Variants in DTWD2 observed in about 807,000 individuals in gnomAD.
The protein encoded by DTWD2 is DTW motif tRNA-uridine aminocarboxypropyltransferase 2, also known as tRNA-uridine aminocarboxypropyltransferase 2.
A neutral mutation model predicts 31.8 loss-of-function variants in DTWD2; 39 were observed. The ratio of observed to expected loss-of-function variants is 1.22; its 90% CI spans 0.95 to 1.60. The LOEUF (loss-of-function observed/expected upper bound fraction) is 1.60, where lower values mean the gene tolerates loss of function less well. Ranked by LOEUF, DTWD2 falls within the 40% of genes most tolerant of loss-of-function variation. The pLI is 0.00. For missense variants in DTWD2, 515 were observed against 381.5 expected, an observed-to-expected ratio of 1.35 and a Z score of -2.92; for synonymous variants, 180 against 142.8, an observed-to-expected ratio of 1.26 and a Z score of -1.86.
chr5:118,925,844 CA>C (rs568583331), intron 4 of DTWD2, among the ~76,000 whole-genome samples: 60 of 136,260 alleles, frequency 4.4e-4, no homozygotes, highest in Admixed American at 9.0e-4. Context: ...GACTCCATCT[CA>C]AAAAAAAAAA....
intron 4 of DTWD2, among the ~76,000 whole-genome samples, chr5:118,922,942 T>A (rs1209233279): frequency 6.6e-6 from 1 of 152,222 alleles, no homozygotes; most frequent in Admixed American, 6.5e-5. Flanking sequence ...GTTATTTTTC[T>A]TTTTTGAGAA....
chr5:118,903,744 A>G (rs1056060641), intron 4 of DTWD2, among the ~76,000 whole-genome samples: 2 of 152,022 alleles, frequency 1.3e-5, no homozygotes, highest in Non-Finnish European at 2.9e-5. Flanking sequence ...AATTTCCTGG[A>G]AATGTAAAAA....
At chr5:118,980,273 C>T (rs530425292) in intron 1 of DTWD2, among the ~76,000 whole-genome samples, 13 of 152,340 alleles carry the variant, frequency 8.5e-5, no homozygotes, top group South Asian at 2.1e-4. Context: ...TCAGCCAGGA[C>T]GCAAACCCAC....
At chr5:118,944,830 G>A (rs1754297243) in intron 1 of DTWD2, among the ~76,000 whole-genome samples, 181 bp from the exon 2 acceptor site, 1 of 152,120 alleles carries the variant, frequency 6.6e-6, no homozygotes, top group Non-Finnish European at 1.5e-5. Context: ...AGAATTTGGA[G>A]AAATTCAAGT....
intron 4 of DTWD2, among the ~76,000 whole-genome samples, chr5:118,909,026 C>T (rs1373706416): frequency 6.6e-6 from 1 of 152,118 alleles, no homozygotes; most frequent in African/African-American, 2.4e-5. Context: ...CGGTGCTTAG[C>T]AATACAAGGA....
chr5:118,906,399 C>G (rs1052590430), intron 4 of DTWD2, among the ~76,000 whole-genome samples: 1 of 152,086 alleles, frequency 6.6e-6, no homozygotes, highest in African/African-American at 2.4e-5. Context: ...TGCATATGAA[C>G]GTTAATAACC....
intron 4 of DTWD2, among the ~76,000 whole-genome samples, chr5:118,897,257 C>T (rs536605335): frequency 1.2e-3 from 188 of 152,320 alleles, no homozygotes; most frequent in African/African-American, 4.4e-3. Context: ...AGTGAAATCA[C>T]ATAAGATGTA....
At chr5:118,889,189 G>C (rs1752928215) in intron 4 of DTWD2, among the ~76,000 whole-genome samples, 1 of 152,018 alleles carries the variant, frequency 6.6e-6, no homozygotes, top group African/African-American at 2.4e-5. Context: ...ATTCCTCTTA[G>C]GGCCCTGACC....
intron 4 of DTWD2, among the ~76,000 whole-genome samples, chr5:118,906,856 A>G (rs1157569845): frequency 6.6e-6 from 1 of 152,182 alleles, no homozygotes; most frequent in Non-Finnish European, 1.5e-5. Context: ...TGTGGGTTAT[A>G]AAAAATGGAA....
intron 4 of DTWD2, among the ~76,000 whole-genome samples, chr5:118,922,622 AAG>A (rs1368327724): frequency 1.3e-5 from 2 of 152,254 alleles, no homozygotes; most frequent in African/African-American, 4.8e-5. Flanking sequence ...ACAAGACTAT[AAG>A]AGAGAATTGT....
chr5:118,846,670 T>C (rs772332462), intron 5 of DTWD2, among the ~76,000 whole-genome samples: 6 of 152,076 alleles, frequency 3.9e-5, no homozygotes, highest in Non-Finnish European at 7.4e-5. Context: ...TGTGTATGTA[T>C]ATATATTTGC....
intron 4 of DTWD2, among the ~76,000 whole-genome samples, chr5:118,850,725 C>T (rs532869305): frequency 2.0e-5 from 3 of 151,938 alleles, no homozygotes; most frequent in South Asian, 4.2e-4. Flanking sequence ...CACAGCAATC[C>T]GAAAACCTAC....
chr5:118,848,313 GC>G, intron 4 of DTWD2, 95 bp from the exon 5 acceptor site: 1 of 1,164,510 alleles, frequency 8.6e-7, no homozygotes, highest in Non-Finnish European at 1.2e-6. Context: ...TTCCAAAACT[GC>G]CAGCAGCTTA....
At chr5:118,969,096 C>T (rs1754922302) in intron 1 of DTWD2, among the ~76,000 whole-genome samples, 1 of 152,240 alleles carries the variant, frequency 6.6e-6, no homozygotes, top group East Asian at 1.9e-4. Flanking sequence ...TCCCTCCTCA[C>T]TAGGTGGGGC....
chr5:118,916,404 G>A (rs183984900), intron 4 of DTWD2, among the ~76,000 whole-genome samples: 1 of 152,272 alleles, frequency 6.6e-6, no homozygotes, highest in African/African-American at 2.4e-5. Context: ...AGTGGCTCAT[G>A]TCTGTGATCC....
At chr5:118,979,946 A>G (rs1163016077) in intron 1 of DTWD2, among the ~76,000 whole-genome samples, 3 of 152,226 alleles carry the variant, frequency 2.0e-5, no homozygotes, top group Non-Finnish European at 4.4e-5. Context: ...CCACCATGGC[A>G]CATGTTACCT....
At chr5:118,913,051 T>C (rs1310321242) in intron 4 of DTWD2, among the ~76,000 whole-genome samples, 2 of 152,212 alleles carry the variant, frequency 1.3e-5, no homozygotes, top group Non-Finnish European at 2.9e-5. Flanking sequence ...AACCCACTTA[T>C]GCCTAGCGTT....
chr5:118,938,987 T>C (rs1432266049), intron 3 of DTWD2, among the ~76,000 whole-genome samples: 5 of 152,190 alleles, frequency 3.3e-5, no homozygotes, highest in Middle Eastern at 6.8e-3. Context: ...CCTTTGCTTA[T>C]ACATTATTTA....
At chr5:118,988,140 T>C in intron 1 of DTWD2, 154 bp downstream of exon 1, 4 of 900,920 alleles carry the variant, frequency 4.4e-6, no homozygotes, top group Non-Finnish European at 7.1e-6. Context: ...TAGGTAGCTG[T>C]GCCTGGCATT....
Sources: gnomAD v4.1 joint callset for allele counts (sites outside exome capture counted in the v4.1 genomes callset) on GRCh38, gnomAD v4.1.1 for gene constraint, MANE v1.5 for transcripts, NCBI Gene and HGNC (gene_info 2026-07-23, HGNC 2026-07-21) for gene names.